Variants in DOP1B observed in about 807,000 individuals in gnomAD.
DOP1B encodes the protein DOP1 leucine zipper like protein B, also known as protein DOP1B.
DOP1B carries 174 observed loss-of-function variants against 233.5 expected under a neutral mutation model. The observed-to-expected ratio is 0.75, with a 90% CI of 0.66 to 0.85. The LOEUF (loss-of-function observed/expected upper bound fraction) is 0.85. Among genes scored for constraint, DOP1B ranks in the 40% least tolerant of loss-of-function variants. The pLI is 0.00. For missense variants in DOP1B, 2,652 were observed against 2,846.6 expected, an observed-to-expected ratio of 0.93 and a Z score of 1.56; for synonymous variants, 1,190 against 1,185.6, an observed-to-expected ratio of 1.00 and a Z score of -0.08.
intron 19 of DOP1B, 71 bp from the exon 20 acceptor site, chr21:36,247,446 A>G (rs752126822): frequency 6.6e-6 from 7 of 1,057,214 alleles, no homozygotes; most frequent in South Asian, 1.7e-5. Context: ...GTGTTTATAT[A>G]TAGGATTAGA....
Position 36,230,470 on chromosome 21 carries a change from C to A in DOP1B, c.1686C>A (p.Asn562Lys), listed in dbSNP as rs143088335. The change falls in exon 14 of 37, where the codon AAC (asparagine) becomes AAA (lysine). Residue 562 changes from asparagine to lysine, a missense_variant. By Grantham distance (94) the Asn-to-Lys change is moderately conservative. Coordinates refer to ENST00000691173, the MANE Select transcript of DOP1B (RefSeq NM_001320714.2). ...SGTSSPVKGE[N>K]GKIILETKAV... ...TACAGAGTCCAGTAAAAGGTGAAAA[C>A]GGCAAAATAATTTTGGAAACAAAGG... The A allele has an allele frequency of 1.1e-5, 18 of 1,609,932 alleles. No individual in the cohort carries two copies. In the African/African-American group the frequency reaches 2.3e-4, roughly 20 times the overall value.
intron 1 of DOP1B, among the ~76,000 whole-genome samples, chr21:36,160,251 G>T (rs1413656819): frequency 1.3e-5 from 2 of 152,100 alleles, no homozygotes; most frequent in East Asian, 3.8e-4. Context: ...TTTTCAAAAT[G>T]TGTGAAGGCA....
rs1176193010 is a variant in DOP1B, at chr21:36,251,222, T to C, written c.5059T>C (p.Leu1687=). The change falls in exon 22 of 37, where the codon TTG becomes CTG. Residue 1687 remains leucine, a synonymous_variant. Coordinates refer to ENST00000691173, the MANE Select transcript of DOP1B (RefSeq NM_001320714.2). ...NPLTAHLGVQ[L]TAAVAAVWSR... is the part of the protein sequence containing the mutation. ...CTTGACGGCCCATCTTGGGGTTCAG[T>C]TGACAGCGGCTGTTGCGGCAGTGTG... is the stretch of plus-strand genomic sequence containing the variant. 2.5e-6 allele frequency: 4 copies of C among 1,614,066 alleles called. No homozygotes were observed. Among genetic ancestry groups the C allele is most frequent in the Non-Finnish European group, 3.4e-6 (4 of 1,179,994 alleles).
rs765629333 is a variant in DOP1B at position 36,214,140 on chromosome 21, G to C, written c.964G>C (p.Asp322His). The C allele has an allele frequency of 3.1e-6, 5 of 1,613,918 alleles. No individual in the cohort carries two copies. In the Admixed American group the frequency reaches 8.3e-5, roughly 27 times the overall value. ...ATCTGAAATCTCAAATTCTTATGAA[G>C]ACCAGTCGTCTTATTTTTTTGAAAA... ...PESEISNSYEDQSSYFFEKYS... is the reference protein window; with the variant it reads ...PESEISNSYEHQSSYFFEKYS... The change falls in exon 8 of 37, where the codon GAC becomes CAC. Residue 322 changes from aspartate (D) to histidine (H), a missense_variant. Transcript: ENST00000691173.
At chr21:36,243,632 T>C (rs998464056) in intron 18 of DOP1B, among the ~76,000 whole-genome samples, 1 of 151,798 alleles carries the variant, frequency 6.6e-6, no homozygotes, top group African/African-American at 2.4e-5. Flanking sequence ...CTCTCCTAAC[T>C]GGGCTCATTC....
At chr21:36,257,775 TGTAGGTAG>T (rs151153511) in intron 23 of DOP1B, among the ~76,000 whole-genome samples, 1 of 129,026 alleles carries the variant, frequency 7.8e-6, no homozygotes, top group Admixed American at 8.1e-5. Flanking sequence ...GGTAGAGAGA[TGTAGGTAG>T]GTAGGTAGGT....
chr21:36,197,719 C>T (rs962777780), intron 2 of DOP1B, among the ~76,000 whole-genome samples: 3 of 152,068 alleles, frequency 2.0e-5, no homozygotes, highest in Non-Finnish European at 4.4e-5. Flanking sequence ...TTTTAAGAAA[C>T]GTGAACTTGG....
intron 4 of DOP1B, among the ~76,000 whole-genome samples, chr21:36,202,059 C>T (rs574031502): frequency 9.2e-4 from 140 of 152,090 alleles, no homozygotes; most frequent in African/African-American, 3.1e-3. Context: ...TGGTGGTGTG[C>T]GCCTGTAATC....
intron 2 of DOP1B, among the ~76,000 whole-genome samples, chr21:36,180,561 A>G (rs995284138): frequency 6.1e-5 from 9 of 147,814 alleles, no homozygotes; most frequent in Non-Finnish European, 1.3e-4. Context: ...AGCCTGGGCA[A>G]GAGTGAAACT....
At chr21:36,195,496 T>G (rs1329211914) in intron 2 of DOP1B, among the ~76,000 whole-genome samples, 1 of 152,154 alleles carries the variant, frequency 6.6e-6, no homozygotes, top group Non-Finnish European at 1.5e-5. Context: ...ATCACACCAC[T>G]GCATTCCAGT....
rs1326055747 is a variant in DOP1B, at chr21:36,230,592, A to G, written c.1808A>G (p.His603Arg). 1.2e-6 allele frequency: 2 copies of G among 1,614,136 alleles called. No individual in the cohort carries two copies. Among genetic ancestry groups the G allele is most frequent in the Non-Finnish European group, 1.7e-6 (2 of 1,180,052 alleles). The change falls in exon 14 of 37, where the codon CAC becomes CGC. Residue 603 changes from histidine (H) to arginine (R), a missense_variant. His to Arg is a conservative substitution (Grantham distance 29). Around this residue, in one of 3 missense-constraint regions of DOP1B, gnomAD observed 2,617 missense variants for 2,794.3 expected, o/e 0.94. Coordinates refer to ENST00000691173, the MANE Select transcript of DOP1B (RefSeq NM_001320714.2). ...GCCTCGTCACCGGAGCTCTCTGAGC[A>G]CTTGAGGGTTCCTCGAGTTTCTCTG... Reference protein sequence around the residue: ...LSASSPELSEHLRVPRVSLER... With the variant: ...LSASSPELSERLRVPRVSLER...
intron 2 of DOP1B, among the ~76,000 whole-genome samples, chr21:36,181,559 A>C (rs1030314151): frequency 1.3e-5 from 2 of 151,760 alleles, no homozygotes; most frequent in Non-Finnish European, 2.9e-5. Flanking sequence ...GATTACAGGC[A>C]TGAGCCACCA....
intron 32 of DOP1B, among the ~76,000 whole-genome samples, chr21:36,285,260 A>G (rs904386448): frequency 2.0e-5 from 3 of 151,964 alleles, no homozygotes; most frequent in African/African-American, 7.3e-5. Flanking sequence ...GGGTTTCACC[A>G]TGTTGGCCAG....
chr21:36,276,893 G>A, intron 27 of DOP1B, 128 bp from the exon 28 acceptor site: 1 of 717,690 alleles, frequency 1.4e-6, no homozygotes, highest in Non-Finnish European at 2.3e-6. Flanking sequence ...AGGAATACCT[G>A]AGTCATATGG....
intron 13 of DOP1B, among the ~76,000 whole-genome samples, chr21:36,229,019 G>A (rs946884057): frequency 6.6e-6 from 1 of 152,264 alleles, no homozygotes; most frequent in South Asian, 2.1e-4. Flanking sequence ...CCATTCTCAT[G>A]CTACTTGCCT....
chr21:36,163,076 G>A (rs2065881822), intron 1 of DOP1B, among the ~76,000 whole-genome samples: 1 of 152,108 alleles, frequency 6.6e-6, no homozygotes, highest in Non-Finnish European at 1.5e-5. Flanking sequence ...GCCAGGCGCG[G>A]TGGCTCACGC....
At chr21:36,192,785 T>C (rs2066247225) in intron 2 of DOP1B, among the ~76,000 whole-genome samples, 1 of 152,114 alleles carries the variant, frequency 6.6e-6, no homozygotes, top group East Asian at 1.9e-4. Flanking sequence ...CCTCCTGGGT[T>C]CACACCATTC....
chr21:36,282,947 A>G (rs13049922), intron 32 of DOP1B, among the ~76,000 whole-genome samples: 32,448 of 151,604 alleles, frequency 0.21, 3,866 homozygotes, highest in African/African-American at 0.31. Flanking sequence ...AGCCTGGGTG[A>G]CAGAGAGAGA....
Position 36,278,204 on chromosome 21 carries a change from C to T in DOP1B, c.5823-5C>T, listed in dbSNP as rs1198660488. The stretch of plus-strand genomic sequence containing the variant: ...TGACCCTTCTCTCTTCCCACTCCCA[C>T]TCAGTGCCTACAATGCTCCCAGCTT... On this transcript the variant is annotated splice_region_variant and splice_polypyrimidine_tract_variant and intron_variant, in intron 29 of 36. Coordinates refer to ENST00000691173, the MANE Select transcript of DOP1B (RefSeq NM_001320714.2). The T allele has an allele frequency of 3.1e-6, 5 of 1,613,820 alleles. No individual in the cohort carries two copies. Among genetic ancestry groups the T allele is most frequent in the Non-Finnish European group, 4.2e-6 (5 of 1,179,896 alleles).
Sources: allele counts gnomAD v4.1 joint callset (sites outside exome capture counted in the v4.1 genomes callset), GRCh38; gene constraint gnomAD v4.1.1; regional missense constraint gnomAD v4.1.1; transcripts MANE v1.5; gene names NCBI Gene and HGNC (gene_info 2026-07-23, HGNC 2026-07-21).